CLASP1: variants seen among roughly 807,000 people sequenced by gnomAD.
CLASP1 encodes the protein CLIP-associating protein 1.
In CLASP1, 38 loss-of-function variants were observed where a neutral mutation model predicts 192.3. That is an observed-to-expected ratio of 0.20 (90% CI 0.15 to 0.26). CLASP1 has a LOEUF of 0.26. CLASP1 is among the 10% of genes least tolerant of loss of function. The pLI is 1.00. For synonymous variants in CLASP1, 691 were observed against 712.8 expected (o/e 0.97, Z 0.49); for missense variants, 1,433 against 1,932.5 (o/e 0.74, Z 4.85).
At chr2:121,347,691 C>T (rs1342984506) in intron 38 of CLASP1, among the ~76,000 whole-genome samples, 1 of 152,228 alleles carries the variant, frequency 6.6e-6, no homozygotes, top group Non-Finnish European at 1.5e-5. Context: ...CTGTCGGCCT[C>T]ATCCTGGCCC....
At chr2:121,425,044 G>A in intron 22 of CLASP1, 95 bp downstream of exon 22, 1 of 1,253,826 alleles carries the variant, frequency 8.0e-7, no homozygotes, top group Non-Finnish European at 1.1e-6. Context: ...TCAAAAAATA[G>A]ATCTATATTT....
In CLASP1 at chr2:121,459,899, C is replaced by T. The variant is rs187783569; in HGVS notation, c.1178+81G>A. ...CAGAAGTTACATTAAAGAGACCCAGCTCACATGTTCAAGGAGACATCTCTG... is the reference window on the plus strand; with the variant it reads ...CAGAAGTTACATTAAAGAGACCCAGTTCACATGTTCAAGGAGACATCTCTG... On this transcript the variant is annotated intron_variant, in intron 12 of 39. Transcript: ENST00000263710. 287 of 1,348,450 alleles carry T rather than the reference C, an allele frequency of 2.1e-4. No individual in the cohort carries two copies. The African/African-American group carries it at 3.8e-3, about 18-fold the overall frequency. 83.5% of individuals were successfully genotyped at this position (1,348,450 alleles called of 1,614,324 possible).
chr2:121,367,835 C>G lies in CLASP1; in HGVS notation c.3643-4G>C. ...CAGCGCCCCCATCGCGGGACACCTG[C>G]AGCACAGCACACTGTCAGTTCCCTT... is the stretch of plus-strand genomic sequence containing the variant. On this transcript the variant is annotated splice_region_variant and splice_polypyrimidine_tract_variant and intron_variant, in intron 34 of 39. Transcript: ENST00000263710. The G allele has an allele frequency of 6.2e-7, 1 of 1,612,414 alleles. No homozygotes were observed.
At chr2:121,571,903 G>A (rs986163151) in intron 2 of CLASP1, among the ~76,000 whole-genome samples, 14 of 152,002 alleles carry the variant, frequency 9.2e-5, no homozygotes, top group African/African-American at 3.1e-4. Context: ...TCAAGGCTTC[G>A]GAGCAGGGAT....
At position 121,643,929 on chromosome 2, in the gene CLASP1, T is replaced by C. The variant is rs182930814; in HGVS notation, c.-286+5443A>G. ...CCCTACAAATTCCCTGGGTGGAAGA[T>C]AATAAAATAAGGCCAGGCTGCTTGT... On this transcript the variant is annotated intron_variant, in intron 1 of 39. Coordinates refer to ENST00000263710, the Ensembl canonical transcript of CLASP1. Among the ~76,000 whole-genome samples, 6 of 152,304 alleles carry C rather than the reference T, an allele frequency of 3.9e-5. No homozygotes were observed. The East Asian group carries it at 9.6e-4, about 24-fold the overall frequency.
chr2:121,423,783 T>C (rs1019449266), intron 22 of CLASP1, among the ~76,000 whole-genome samples: 1 of 152,246 alleles, frequency 6.6e-6, no homozygotes, highest in Non-Finnish European at 1.5e-5. Context: ...GTTGGCATCA[T>C]AGAGATTTAC....
intron 9 of CLASP1, among the ~76,000 whole-genome samples, chr2:121,466,465 G>T (rs1023536990): frequency 4.6e-5 from 7 of 152,070 alleles, no homozygotes; most frequent in African/African-American, 1.7e-4. Context: ...CATGAGTACA[G>T]CTTTTACTTG....
intron 19 of CLASP1, among the ~76,000 whole-genome samples, chr2:121,447,049 G>C (rs1453724948): frequency 6.6e-6 from 1 of 152,156 alleles, no homozygotes; most frequent in African/African-American, 2.4e-5. Flanking sequence ...GCTTGCCATG[G>C]AGGAAGAGGA....
At chr2:121,580,388 G>C (rs893402948) in intron 2 of CLASP1, among the ~76,000 whole-genome samples, 3 of 152,106 alleles carry the variant, frequency 2.0e-5, no homozygotes, top group Non-Finnish European at 2.9e-5. Flanking sequence ...ATAAAATAAT[G>C]TATGCCTATT....
At chr2:121,485,294 G>A (rs544586527) in intron 8 of CLASP1, among the ~76,000 whole-genome samples, 1 of 152,286 alleles carries the variant, frequency 6.6e-6, no homozygotes, top group East Asian at 1.9e-4. Flanking sequence ...AAGGCTAACT[G>A]TTTTGGCAGG....
rs1044246022 is a variant in CLASP1 at position 121,412,600 on chromosome 2, TA to T, written c.2321-1632del. Among the ~76,000 whole-genome samples, 15 of 149,032 alleles carry T rather than the reference TA, an allele frequency of 1.0e-4. 1 individual carries two copies. Among genetic ancestry groups the T allele is most frequent in the East Asian group, 2.0e-4 (1 of 5,120 alleles). On this transcript the variant is annotated intron_variant, in intron 23 of 39. Transcript: ENST00000263710. ...AAATAAAACGAAGTCTAATAAAATT[TA>T]AAAAAAAAAATCTCATGCCAGCAAT...
At chr2:121,521,988 T>C (rs2094468039) in intron 6 of CLASP1, among the ~76,000 whole-genome samples, 1 of 151,954 alleles carries the variant, frequency 6.6e-6, no homozygotes, top group African/African-American at 2.4e-5. Flanking sequence ...AAAATTAAAA[T>C]AAAGGCAACA....
chr2:121,554,977 C>T (rs894612702), intron 2 of CLASP1, among the ~76,000 whole-genome samples: 6 of 152,136 alleles, frequency 3.9e-5, no homozygotes, highest in Admixed American at 1.3e-4. Context: ...ATTATACCTG[C>T]CCCAAACAAG....
intron 34 of CLASP1, among the ~76,000 whole-genome samples, chr2:121,370,755 AC>A (rs1671753563): frequency 6.6e-6 from 1 of 152,166 alleles, no homozygotes; most frequent in Admixed American, 6.5e-5. Flanking sequence ...CAGCTCTGCC[AC>A]TGCACTCCCC....
chr2:121,498,562 G>T (rs1428868253), intron 8 of CLASP1, among the ~76,000 whole-genome samples: 1 of 151,972 alleles, frequency 6.6e-6, no homozygotes, highest in Non-Finnish European at 1.5e-5. Flanking sequence ...CAGATAAATT[G>T]GACTTCATCA....
chr2:121,460,299 A>G (rs561759366), intron 11 of CLASP1, among the ~76,000 whole-genome samples, 174 bp from the exon 12 acceptor site: 33 of 152,354 alleles, frequency 2.2e-4, no homozygotes, highest in Non-Finnish European at 3.4e-4. Flanking sequence ...ACAAATCTAC[A>G]TATCACAAAT....
chr2:121,503,186 G>C (rs2093818801), exon 8 of CLASP1: 1 of 1,550,142 alleles, frequency 6.5e-7, no homozygotes, highest in Non-Finnish European at 8.7e-7. Context: ...ATTGTATCAT[G>C]TTTCCAGATT....
At chr2:121,482,330 G>T (rs1315360496) in intron 8 of CLASP1, among the ~76,000 whole-genome samples, 2 of 152,068 alleles carry the variant, frequency 1.3e-5, no homozygotes, top group African/African-American at 4.8e-5. Flanking sequence ...AGGGAACAGA[G>T]AATTAAAGAC....
At chr2:121,648,088 T>C (rs1176621048) in intron 1 of CLASP1, among the ~76,000 whole-genome samples, 1 of 152,248 alleles carries the variant, frequency 6.6e-6, no homozygotes, top group Non-Finnish European at 1.5e-5. Flanking sequence ...TGCTACTTTT[T>C]ATCTATATGG....
Sources: gnomAD v4.1 joint callset for allele counts (sites outside exome capture counted in the v4.1 genomes callset) on GRCh38, gnomAD v4.1.1 for gene constraint, MANE v1.5 for transcripts, NCBI Gene and HGNC (gene_info 2026-07-23, HGNC 2026-07-21) for gene names.